The following ABCC3 variants were observed in gnomAD, a reference collection of about 807,000 sequenced individuals.
ABCC3 encodes the protein ATP-binding cassette sub-family C member 3.
ABCC3 carries 121 observed loss-of-function variants against 165.3 expected under a neutral mutation model. That is an observed-to-expected ratio of 0.73 (90% CI 0.63 to 0.85). ABCC3 has a LOEUF of 0.85. ABCC3 is among the 40% of genes least tolerant of loss of function. ABCC3 has a pLI of 0.00. For missense variants in ABCC3, 1,869 were observed against 1,964.1 expected, an observed-to-expected ratio of 0.95 and a Z score of 0.92; for synonymous variants, 733 against 810.1, an observed-to-expected ratio of 0.90 and a Z score of 1.62.
Position 50,639,087 on chromosome 17 carries a change from G to A in ABCC3, c.45+4106G>A, listed in dbSNP as rs114401727. Among the ~76,000 whole-genome samples, 609 of 152,340 alleles carry A rather than the reference G, an allele frequency of 4.0e-3. 1 individual carries two copies. Among genetic ancestry groups the A allele is most frequent in the African/African-American group, 0.014 (577 of 41,566 alleles). On this transcript the variant is annotated intron_variant, in intron 1 of 30. Transcript: ENST00000285238. Reference sequence around the variant, plus strand: ...GTATTTTGACTCACAAATGAAGACAGTGTCCTGCACATCCATGGGGAAGCT... The same window carrying A: ...GTATTTTGACTCACAAATGAAGACAATGTCCTGCACATCCATGGGGAAGCT...
chr17:50,638,221 G>C, intron 1 of ABCC3, among the ~76,000 whole-genome samples: 1 of 152,192 alleles, frequency 6.6e-6, no homozygotes, highest in East Asian at 1.9e-4. Flanking sequence ...TCTCTGTTCT[G>C]AACCACAGAG....
In ABCC3 at chr17:50,675,315, A is replaced by C. The variant is rs1967774945; in HGVS notation, c.2600-47A>C. On this transcript the variant is annotated intron_variant, in intron 19 of 30. Transcript: ENST00000285238. ...GGAATGGGAGATACCAGGGGCTTGC[A>C]GGGAGAACTAGCTGAACCCTATCTC... is the stretch of plus-strand genomic sequence containing the variant. 2.1e-6 allele frequency: 3 copies of C among 1,405,138 alleles called. No individual in the cohort carries two copies. The East Asian group carries it at 6.9e-5, about 32-fold the overall frequency. The allele number at this position is 1,405,138 out of a possible 1,614,324, so 87.0% of individuals were successfully genotyped here.
chr17:50,675,634 G>T lies in ABCC3; in HGVS notation c.2718G>T (p.Gln906His). ...TYVVQKQFMR[Q>H]LSALSSDGEG... is the part of the protein sequence containing the mutation. Reference sequence around the variant, plus strand: ...GCCTGACCAGCTGCCTCCACAGACAGCTGAGTGCCCTGTCCTCAGATGGGG... The same window carrying T: ...GCCTGACCAGCTGCCTCCACAGACATCTGAGTGCCCTGTCCTCAGATGGGG... Residue 906 changes from glutamine to histidine, a missense_variant, in exon 21 of 31, where the codon CAG becomes CAT. Transcript: ENST00000285238. 1.3e-6 allele frequency: 2 copies of T among 1,566,774 alleles called. No homozygotes were observed. Among genetic ancestry groups the T allele is most frequent in the African/African-American group, 1.4e-5 (1 of 74,054 alleles).
chr17:50,677,268 G>A (rs533013685), intron 23 of ABCC3, among the ~76,000 whole-genome samples: 21 of 152,298 alleles, frequency 1.4e-4, no homozygotes, highest in African/African-American at 5.1e-4. Context: ...CTAAACATAC[G>A]TGTATGCATG....
intron 23 of ABCC3, among the ~76,000 whole-genome samples, chr17:50,676,886 TGGGGG>T (rs3063105): frequency 2.5e-4 from 28 of 113,620 alleles, no homozygotes; most frequent in African/African-American, 7.5e-4. Context: ...TTTTTTTTTT[TGGGGG>T]GGGGGGGACG....
chr17:50,636,964 C>A (rs771615553), intron 1 of ABCC3, among the ~76,000 whole-genome samples: 1 of 152,178 alleles, frequency 6.6e-6, no homozygotes, highest in Non-Finnish European at 1.5e-5. Flanking sequence ...AACCGGACCC[C>A]GGGGCTGTGG....
At chr17:50,641,826 A>G (rs1003928384) in intron 1 of ABCC3, among the ~76,000 whole-genome samples, 1 of 152,064 alleles carries the variant, frequency 6.6e-6, no homozygotes, top group Non-Finnish European at 1.5e-5. Context: ...CAGGAGGATC[A>G]CTTGAGCCCA....
intron 1 of ABCC3, among the ~76,000 whole-genome samples, chr17:50,646,162 T>C (rs981229397): frequency 6.6e-6 from 1 of 152,088 alleles, no homozygotes; most frequent in African/African-American, 2.4e-5. Flanking sequence ...GGTGGCAGTA[T>C]TAAACAGGAT....
intron 1 of ABCC3, chr17:50,635,213 A>G (rs1003850395): frequency 1.6e-6 from 1 of 618,498 alleles, no homozygotes; most frequent in East Asian, 2.8e-5. Context: ...TCCCGGCTGC[A>G]GCACTGGGGA....
intron 1 of ABCC3, among the ~76,000 whole-genome samples, chr17:50,638,424 G>A (rs1004633529): frequency 1.1e-4 from 17 of 152,230 alleles, no homozygotes; most frequent in Non-Finnish European, 2.1e-4. Flanking sequence ...TGAGCTCCCT[G>A]TCACTGGGGG....
At chr17:50,681,564 G>A (rs1283446888) in intron 26 of ABCC3, among the ~76,000 whole-genome samples, 3 of 151,920 alleles carry the variant, frequency 2.0e-5, no homozygotes, top group Non-Finnish European at 4.4e-5. Context: ...CCTCCCCCCT[G>A]CACTCCACTG....
intron 20 of ABCC3, 43 bp downstream of exon 20, chr17:50,675,519 G>C: frequency 1.3e-6 from 2 of 1,594,286 alleles, no homozygotes; most frequent in Non-Finnish European, 1.7e-6. Context: ...GGCTGTATCA[G>C]GCCTCCCCAG....
intron 30 of ABCC3, among the ~76,000 whole-genome samples, chr17:50,689,880 G>T (rs1968087898): frequency 6.6e-6 from 1 of 152,204 alleles, no homozygotes; most frequent in Admixed American, 6.5e-5. Flanking sequence ...GAGGGGCTTG[G>T]ATGGACCTTG....
chr17:50,669,343 T>C lies in ABCC3; in HGVS notation c.2065-9T>C. 1.2e-6 allele frequency: 2 copies of C among 1,614,210 alleles called. No individual in the cohort carries two copies. The highest frequency in any genetic ancestry group is 1.7e-6 in the Non-Finnish European group (2 of 1,180,020). ...GGCAAGCCCCGAGGTAAATTTCTCC[T>C]GTGGCCAGGGCTCCGTGGCCTATGT... On this transcript the variant is annotated splice_polypyrimidine_tract_variant and intron_variant, in intron 16 of 30. Transcript: ENST00000285238.
intron 26 of ABCC3, 50 bp downstream of exon 26, chr17:50,679,949 A>G: frequency 6.7e-7 from 1 of 1,500,570 alleles, no homozygotes; most frequent in South Asian, 1.1e-5. Flanking sequence ...GTAGCTGGGG[A>G]AGAAAGCTTG....
At position 50,669,338 on chromosome 17, in the gene ABCC3, T is replaced by G; in HGVS notation, c.2065-14T>G. Reference sequence around the variant, plus strand: ...CCTTGGGCAAGCCCCGAGGTAAATTTCTCCTGTGGCCAGGGCTCCGTGGCC... The same window carrying G: ...CCTTGGGCAAGCCCCGAGGTAAATTGCTCCTGTGGCCAGGGCTCCGTGGCC... On this transcript the variant is annotated splice_polypyrimidine_tract_variant and intron_variant, in intron 16 of 30. Coordinates refer to ENST00000285238, the MANE Select transcript of ABCC3 (RefSeq NM_003786.4). The G allele has an allele frequency of 2.5e-6, 4 of 1,614,104 alleles. No homozygotes were observed. Among genetic ancestry groups the G allele is most frequent in the Non-Finnish European group, 2.5e-6 (3 of 1,179,988 alleles).
chr17:50,643,859 G>A (rs1299433508), intron 1 of ABCC3, among the ~76,000 whole-genome samples: 2 of 152,076 alleles, frequency 1.3e-5, no homozygotes, highest in Non-Finnish European at 2.9e-5. Context: ...GGGGGGTCTT[G>A]AGGACCAGGT....
chr17:50,669,038 G>A, intron 15 of ABCC3, 102 bp from the exon 16 acceptor site: 1 of 1,593,880 alleles, frequency 6.3e-7, no homozygotes. Context: ...CCTGCCAGGG[G>A]GGTGTCTGGA....
chr17:50,653,639 G>C (rs747789674), intron 1 of ABCC3, among the ~76,000 whole-genome samples: 10 of 151,942 alleles, frequency 6.6e-5, no homozygotes, highest in Non-Finnish European at 1.5e-4. Flanking sequence ...TGTAATCCCA[G>C]CTACTCAGGA....
Sources: gnomAD v4.1 joint callset for allele counts (sites outside exome capture counted in the v4.1 genomes callset) on GRCh38, gnomAD v4.1.1 for gene constraint, MANE v1.5 for transcripts, NCBI Gene and HGNC (gene_info 2026-07-23, HGNC 2026-07-21) for gene names.